Variants in DPEP2 observed in about 807,000 individuals in gnomAD.
DPEP2 encodes the protein dipeptidase 2.
DPEP2 carries 45 observed loss-of-function variants against 51.8 expected under a neutral mutation model. The observed-to-expected ratio is 0.87, with a 90% CI of 0.68 to 1.11. The LOEUF is 1.11. Ranked by LOEUF, DPEP2 falls within the 50% of genes most tolerant of loss-of-function variation. The probability of loss-of-function intolerance (pLI) is 0.00; values close to 1 mark genes in which losing one functional copy is unlikely to be tolerated. For missense variants in DPEP2, 604 were observed against 631.9 expected, an observed-to-expected ratio of 0.96 and a Z score of 0.47; for synonymous variants, 255 against 262.7, an observed-to-expected ratio of 0.97 and a Z score of 0.28.
chr16:67,987,733 G>A lies in DPEP2; in HGVS notation c.1234C>T (p.Pro412Ser), dbSNP rs774970419. The change falls in exon 11 of 11, where the codon CCC (proline) becomes TCC (serine). Residue 412 changes from proline (P) to serine (S), a missense_variant. Pro to Ser is a moderately conservative substitution (Grantham distance 74). Transcript: ENST00000393847. ...TCATCCGGGAACTTGTCCTCCAAGGGGCTTTGCCATTTGTTTTCTTCCTGT... is the reference window on the plus strand; with the variant it reads ...TCATCCGGGAACTTGTCCTCCAAGGAGCTTTGCCATTTGTTTTCTTCCTGT... ...KVQEENKWQS[P>S]LEDKFPDEQL... 3 of 1,613,646 alleles carry A rather than the reference G, an allele frequency of 1.9e-6. No individual in the cohort carries two copies. In the African/African-American group the frequency reaches 4.0e-5, roughly 22 times the overall value.
rs746948522 is a variant in DPEP2 at position 67,991,166 on chromosome 16, C to T, written c.681G>A (p.Lys227=). 2 of 1,613,338 alleles carry T rather than the reference C, an allele frequency of 1.2e-6. No individual in the cohort carries two copies. The highest frequency in any genetic ancestry group is 1.7e-6 in the Non-Finnish European group (2 of 1,180,026). The part of the protein sequence containing the change: ...CNTPWAESSA[K]GVHSFYNNIS... Reference sequence around the variant, plus strand: ...TGTTGTTGTAGAAGGAGTGGACGCCCTTAGCGGAGCTCTCTGCCCTGCAGG... The same window carrying T: ...TGTTGTTGTAGAAGGAGTGGACGCCTTTAGCGGAGCTCTCTGCCCTGCAGG... Residue 227 remains lysine, a synonymous_variant, in exon 6 of 11, where the codon AAG becomes AAA. Transcript: ENST00000393847. This position sits in a 1 kb window ranked among gnomAD's most constrained non-coding sequence, Gnocchi z 5.1.
chr16:67,992,829 G>T, intron 2 of DPEP2, 121 bp downstream of exon 2: 1 of 1,481,462 alleles, frequency 6.8e-7, no homozygotes, highest in Admixed American at 2.2e-5. Context: ...CATGCATGAC[G>T]GGAGAGAGGG....
Position 67,991,673 on chromosome 16 carries a change from T to A in DPEP2, c.662+165A>T. 9.1e-7 allele frequency: 1 copy of A among 1,094,526 alleles called. No homozygotes were observed. Among genetic ancestry groups the A allele is most frequent in the Non-Finnish European group, 1.3e-6 (1 of 790,662 alleles). 67.8% of individuals were successfully genotyped at this position (1,094,526 alleles called of 1,614,324 possible). On this transcript the variant is annotated intron_variant, in intron 5 of 10. Transcript: ENST00000393847. This position sits in a 1 kb window ranked among gnomAD's most constrained non-coding sequence, Gnocchi z 5.1. Reference sequence around the variant, plus strand: ...GATTACAGGCATGAGCCACCGCGTCTGGCCAGGGGTCAAGTCGTATTCTGA... The same window carrying A: ...GATTACAGGCATGAGCCACCGCGTCAGGCCAGGGGTCAAGTCGTATTCTGA...
At chr16:67,999,966 C>T (rs1172476433), upstream of DPEP2, among the ~76,000 whole-genome samples, 2 of 152,154 alleles carry the variant, frequency 1.3e-5, no homozygotes, top group Non-Finnish European at 2.9e-5. Flanking sequence ...CGTGGCTTCT[C>T]ATTGCAGAAA....
chr16:67,991,678 A>T lies in DPEP2; in HGVS notation c.662+160T>A, dbSNP rs1485413188. On this transcript the variant is annotated intron_variant, in intron 5 of 10. Coordinates refer to ENST00000393847, the MANE Select transcript of DPEP2 (RefSeq NM_022355.4). This position sits in a 1 kb window ranked among gnomAD's most constrained non-coding sequence, Gnocchi z 5.1. ...CAGGCATGAGCCACCGCGTCTGGCC[A>T]GGGGTCAAGTCGTATTCTGAAAACC... 3 of 1,134,214 alleles carry T rather than the reference A, an allele frequency of 2.6e-6. No individual in the cohort carries two copies. Among genetic ancestry groups the T allele is most frequent in the Non-Finnish European group, 3.6e-6 (3 of 824,718 alleles). The allele number at this position is 1,134,214 out of a possible 1,614,324, so 70.3% of individuals were successfully genotyped here.
rs1322552369 is a variant in DPEP2, at chr16:67,993,236, G to A, written c.-24C>T. On this transcript the variant is annotated 5_prime_UTR_variant, in exon 2 of 11. Transcript: ENST00000393847. The stretch of plus-strand genomic sequence containing the variant: ...ATGTTGTGCAGGGCCGGGCAGGCAG[G>A]CAGGGGTGGCAGTCAGAGAGCCTGA... 1 of 1,415,494 alleles carries A rather than the reference G, an allele frequency of 7.1e-7. No individual in the cohort carries two copies. The highest frequency in any genetic ancestry group is 1.5e-5 in the South Asian group (1 of 65,148). The allele number at this position is 1,415,494 out of a possible 1,614,324, so 87.7% of individuals were successfully genotyped here.
chr16:67,997,375 G>T lies in DPEP2; in HGVS notation c.-46+2000C>A, dbSNP rs2032762663. 2.0e-5 allele frequency among the ~76,000 whole-genome samples: 3 copies of T among 148,866 alleles called. No homozygotes were observed. In the South Asian group the frequency reaches 6.4e-4, roughly 32 times the overall value. ...TTATATTTATTTGTTTATTTATTTT[G>T]AGATGGAATCTCGCTCTGTCGCCCA... On this transcript the variant is annotated intron_variant, in intron 1 of 10. Coordinates refer to ENST00000393847, the MANE Select transcript of DPEP2 (RefSeq NM_022355.4).
In DPEP2 at chr16:67,987,838, C is replaced by T; in HGVS notation, c.1206+14G>A. On this transcript the variant is annotated intron_variant, in intron 10 of 10. Transcript: ENST00000393847. ...TCAGACCCCTCGGCTACTCTCTTGC[C>T]CAGCCCAGAGTACCTTTTCCACTTG... 6.2e-7 allele frequency: 1 copy of T among 1,614,190 alleles called. No homozygotes were observed. Among genetic ancestry groups the T allele is most frequent in the Non-Finnish European group, 8.5e-7 (1 of 1,180,036 alleles).
chr16:67,988,647 AG>A (rs1351478936), intron 9 of DPEP2, among the ~76,000 whole-genome samples: 2 of 151,232 alleles, frequency 1.3e-5, no homozygotes, highest in Non-Finnish European at 2.9e-5. Context: ...AGGCCCAGTG[AG>A]GTGGCTTAGG....
chr16:67,988,596 C>T (rs1427644901), intron 9 of DPEP2, among the ~76,000 whole-genome samples: 2 of 144,256 alleles, frequency 1.4e-5, no homozygotes, highest in Non-Finnish European at 3.0e-5. Flanking sequence ...GAGTGAGCCT[C>T]TGTCTCAAAA....
intron 7 of DPEP2, 100 bp from the exon 8 acceptor site, chr16:67,990,231 C>A: frequency 8.9e-7 from 1 of 1,117,994 alleles, no homozygotes; most frequent in Admixed American, 2.0e-5. Flanking sequence ...TCAGCTCTGA[C>A]TTCAGGAGTC....
chr16:67,993,173 G>C lies in DPEP2; in HGVS notation c.40C>G (p.Arg14Gly). ...AGCAGCAGACTCAGCAGAGGCCACC[G>C]ACCAAACGTGCCGGGACCCTCGAGG... ...SGLEGPGTFGRWPLLSLLLLL... is the reference protein window; with the variant it reads ...SGLEGPGTFGGWPLLSLLLLL... The change falls in exon 2 of 11, where the codon CGG becomes GGG. Residue 14 changes from arginine (R) to glycine (G), a missense_variant. Transcript: ENST00000393847. 6.7e-7 allele frequency: 1 copy of C among 1,502,106 alleles called. No individual in the cohort carries two copies. The highest frequency in any genetic ancestry group is 1.3e-5 in the South Asian group (1 of 76,942). The allele number at this position is 1,502,106 out of a possible 1,614,324, so 93.0% of individuals were successfully genotyped here.
chr16:67,991,356 T>G lies in DPEP2; in HGVS notation c.663-172A>C, dbSNP rs1462853176. Among the ~76,000 whole-genome samples the G allele has an allele frequency of 6.6e-6, 1 of 151,046 alleles. No individual in the cohort carries two copies. The highest frequency in any genetic ancestry group is 1.5e-5 in the Non-Finnish European group (1 of 67,850). On this transcript the variant is annotated intron_variant, in intron 5 of 10. Coordinates refer to ENST00000393847, the MANE Select transcript of DPEP2 (RefSeq NM_022355.4). This position sits in a 1 kb window ranked among gnomAD's most constrained non-coding sequence, Gnocchi z 5.1. The stretch of plus-strand genomic sequence containing the variant: ...CAGGAGGGCCCTGCTGGGTCCAGTC[T>G]TTTTTTTCCTTTTCTTTTTTTTTTT...
chr16:67,993,865 C>A (rs578123527), intron 1 of DPEP2: 1 of 985,366 alleles, frequency 1.0e-6, no homozygotes, highest in East Asian at 1.1e-4. Context: ...TTCTCTCTCC[C>A]GTAACTTAGG....
At chr16:67,997,637 T>C (rs779637430) in intron 1 of DPEP2, among the ~76,000 whole-genome samples, 20 of 152,224 alleles carry the variant, frequency 1.3e-4, no homozygotes, top group Admixed American at 1.3e-3. Flanking sequence ...ATTACAGGCA[T>C]GAGCCACCGC....
rs758977397 is a variant in DPEP2 at position 67,990,975 on chromosome 16, C to A, written c.755G>T (p.Arg252Leu). 3 of 1,614,036 alleles carry A rather than the reference C, an allele frequency of 1.9e-6. No individual in the cohort carries two copies. The highest frequency in any genetic ancestry group is 2.2e-5 in the South Asian group (2 of 91,072). The change falls in exon 7 of 11, where the codon CGC (arginine) becomes CTC (leucine). Residue 252 changes from arginine (R) to leucine (L), a missense_variant. Coordinates refer to ENST00000393847, the MANE Select transcript of DPEP2 (RefSeq NM_022355.4). ...GGATAAGTCTACCATCATGCCCAGGCGGTTCATTTCTGCCACCACCTTCTG... is the reference window on the plus strand; with the variant it reads ...GGATAAGTCTACCATCATGCCCAGGAGGTTCATTTCTGCCACCACCTTCTG... ...FGEKVVAEMN[R>L]LGMMVDLSHV...
At chr16:67,993,778 G>C (rs1000304032) in intron 1 of DPEP2, 3 of 985,660 alleles carry the variant, frequency 3.0e-6, no homozygotes, top group East Asian at 1.1e-4. Flanking sequence ...GGGTGGGTGT[G>C]GGGGAGAAGA....
rs550446323 is a variant in DPEP2 at position 67,990,925 on chromosome 16, G to A, written c.805C>T (p.Arg269Trp). 9.3e-6 allele frequency: 15 copies of A among 1,614,236 alleles called. No homozygotes were observed. The highest frequency in any genetic ancestry group is 1.6e-4 in the Middle Eastern group (1 of 6,062). The change falls in exon 7 of 11, where the codon CGG (arginine) becomes TGG (tryptophan). Residue 269 changes from arginine (R) to tryptophan (W), a missense_variant. Coordinates refer to ENST00000393847, the MANE Select transcript of DPEP2 (RefSeq NM_022355.4). The part of the protein sequence containing the change: ...LSHVSDAVAR[R>W]ALEVSQAPVI... Reference sequence around the variant, plus strand: ...GGTGCCTGTGACACTTCCAGGGCCCGCCGTGCCACAGCATCTGAGACATGG... The same window carrying A: ...GGTGCCTGTGACACTTCCAGGGCCCACCGTGCCACAGCATCTGAGACATGG...
At chr16:67,996,202 ATTTT>A (rs562548091) in intron 1 of DPEP2, among the ~76,000 whole-genome samples, 1 of 130,810 alleles carries the variant, frequency 7.6e-6, no homozygotes. Flanking sequence ...ACACTCGGCT[ATTTT>A]TTTTTTTTTT....
Sources: allele counts gnomAD v4.1 joint callset (sites outside exome capture counted in the v4.1 genomes callset), GRCh38; gene constraint gnomAD v4.1.1; non-coding constraint Gnocchi (gnomAD v3.1); transcripts MANE v1.5; gene names NCBI Gene and HGNC (gene_info 2026-07-23, HGNC 2026-07-21).